Variants in LAMA3 observed in about 807,000 individuals in gnomAD.
LAMA3 encodes laminin subunit alpha 3, also known as laminin subunit alpha-3.
Under a neutral mutation model 402.0 loss-of-function variants are expected in LAMA3, and 281 were observed. The observed-to-expected ratio is 0.70, with a 90% CI of 0.63 to 0.77. The LOEUF is 0.77. Ranked by LOEUF, LAMA3 falls within the 30% of genes least tolerant of loss-of-function variation. The pLI, the probability that LAMA3 is intolerant of heterozygous loss-of-function variation, is 0.00. For synonymous variants in LAMA3, 1,431 were observed against 1,558.4 expected (o/e 0.92, Z 1.93); for missense variants, 3,840 against 4,215.5 (o/e 0.91, Z 2.47).
Position 23,847,611 on chromosome 18 carries a change from G to A in LAMA3, c.4079G>A (p.Arg1360Lys), listed in dbSNP as rs749726330. ...MAGCEGCNCS[R>K]RGTIEAAMPE... is the part of the protein sequence containing the mutation. ...GGCTGCGAAGGCTGCAACTGTTCCA[G>A]GAGGGGCACCATCGAGGCTGCCATG... Residue 1360 changes from arginine (R) to lysine (K), a missense_variant, in exon 32 of 75, where the codon AGG (arginine) becomes AAG (lysine). Physicochemically the swap from Arg to Lys is conservative, Grantham distance 26. Around this residue, in one of 3 missense-constraint regions of LAMA3, gnomAD observed 2,109 missense variants for 2,376.0 expected, o/e 0.89. Transcript: ENST00000313654. 2 of 1,614,096 alleles carry A rather than the reference G, an allele frequency of 1.2e-6. No individual in the cohort carries two copies. Among genetic ancestry groups the A allele is most frequent in the East Asian group, 2.2e-5 (1 of 44,880 alleles).
At chr18:23,883,732 G>C (rs1228972582) in intron 40 of LAMA3, among the ~76,000 whole-genome samples, 2 of 152,240 alleles carry the variant, frequency 1.3e-5, no homozygotes, top group Non-Finnish European at 2.9e-5. Flanking sequence ...GCTGGCAAAA[G>C]TAGAAAGCAG....
intron 2 of LAMA3, among the ~76,000 whole-genome samples, chr18:23,728,816 A>G (rs182526156): frequency 2.7e-4 from 41 of 152,206 alleles, no homozygotes; most frequent in Non-Finnish European, 2.6e-4. Context: ...GGGTCACCTG[A>G]AGTCAGGAGT....
At chr18:23,868,756 T>C (rs2064430252) in intron 37 of LAMA3, among the ~76,000 whole-genome samples, 1 of 152,210 alleles carries the variant, frequency 6.6e-6, no homozygotes, top group African/African-American at 2.4e-5. Context: ...TATGAAAATG[T>C]TTTACATCCA....
At chr18:23,888,322 A>T (rs995510369) in intron 41 of LAMA3, among the ~76,000 whole-genome samples, 2 of 152,346 alleles carry the variant, frequency 1.3e-5, no homozygotes, top group Non-Finnish European at 1.5e-5. Flanking sequence ...GTCATGTCTT[A>T]TTACGATAGC....
chr18:23,763,504 G>T lies in LAMA3; in HGVS notation c.1163G>T (p.Gly388Val). ...LNTQGIYAGG[G>V]VCINCQHNTA... The stretch of plus-strand genomic sequence containing the variant: ...ACCCAGGGCATCTATGCTGGTGGAG[G>T]GGTCTGCATTAACTGTCAGGTGAGG... Residue 388 changes from glycine (G) to valine (V), a missense_variant, in exon 8 of 75, where the codon GGG becomes GTG. Gly to Val is a moderately radical substitution (Grantham distance 109, BLOSUM62 -3). This residue lies in a region of LAMA3 where 2,109 missense variants were observed against 2,376.0 expected (regional missense o/e 0.89). Transcript: ENST00000313654. 1.2e-6 allele frequency: 2 copies of T among 1,606,686 alleles called. No homozygotes were observed. Among genetic ancestry groups the T allele is most frequent in the East Asian group, 2.2e-5 (1 of 44,840 alleles).
intron 38 of LAMA3, 112 bp downstream of exon 38, chr18:23,871,773 T>G (rs2064531263): frequency 1.2e-6 from 1 of 832,042 alleles, no homozygotes; most frequent in Non-Finnish European, 2.0e-6. Context: ...GTTTCTCTGT[T>G]CAAGTTTCTG....
intron 29 of LAMA3, 151 bp downstream of exon 29, chr18:23,842,901 C>T (rs1381836729): frequency 1.2e-5 from 12 of 967,006 alleles, no homozygotes; most frequent in African/African-American, 4.9e-5. Context: ...CTTTTACCCC[C>T]CAATAAATAA....
At chr18:23,914,900 T>TA in intron 58 of LAMA3, 40 bp downstream of exon 58, 3 of 1,514,870 alleles carry the variant, frequency 2.0e-6, no homozygotes, top group Non-Finnish European at 2.7e-6. Flanking sequence ...AATATTAAAA[T>TA]TTTAATTTGG....
At chr18:23,853,713 C>A (rs1282253744) in intron 32 of LAMA3, among the ~76,000 whole-genome samples, 3 of 152,198 alleles carry the variant, frequency 2.0e-5, no homozygotes, top group Non-Finnish European at 2.9e-5. Context: ...ATTCTCTTGA[C>A]CTGCCTCCCC....
Position 23,898,941 on chromosome 18 carries a change from A to T in LAMA3, c.5725-13A>T. On this transcript the variant is annotated splice_polypyrimidine_tract_variant and intron_variant, in intron 45 of 74. Transcript: ENST00000313654. ...GACTTAATTTGCTGCTAATCAATTTATTTTTCATATAGGCTCAAGTAAATT... is the reference window on the plus strand; with the variant it reads ...GACTTAATTTGCTGCTAATCAATTTTTTTTTCATATAGGCTCAAGTAAATT... 6.2e-7 allele frequency: 1 copy of T among 1,609,158 alleles called. No homozygotes were observed. The highest frequency in any genetic ancestry group is 8.5e-7 in the Non-Finnish European group (1 of 1,175,628).
At chr18:23,744,918 C>T (rs1279774202) in intron 2 of LAMA3, among the ~76,000 whole-genome samples, 1 of 150,548 alleles carries the variant, frequency 6.6e-6, no homozygotes, top group Admixed American at 6.6e-5. Context: ...AGAGACCTGA[C>T]GACTCACTGC....
chr18:23,895,767 T>A (rs927934679), intron 44 of LAMA3, among the ~76,000 whole-genome samples: 2 of 152,230 alleles, frequency 1.3e-5, no homozygotes, highest in African/African-American at 4.8e-5. Flanking sequence ...GTTTATCTAT[T>A]TTCAATTTCA....
intron 2 of LAMA3, among the ~76,000 whole-genome samples, chr18:23,733,307 G>A (rs1485665996): frequency 3.3e-5 from 5 of 152,114 alleles, no homozygotes; most frequent in East Asian, 1.9e-4. Context: ...ACCTGAGACC[G>A]GGTAATTTAT....
chr18:23,899,324 G>C lies in LAMA3; in HGVS notation c.5873G>C (p.Gly1958Ala), dbSNP rs934563901. Residue 1958 changes from glycine to alanine, a missense_variant, in exon 47 of 75, where the codon GGA becomes GCA. Gly to Ala is a moderately conservative substitution (Grantham distance 60). Transcript: ENST00000313654. ...LKQISGTDGE[G>A]NNVPSGDFSR... ...CAGATCTCTGGGACAGATGGAGAGG[G>C]AAACAACGTGCCTTCAGGTGACTTT... 1 of 1,613,990 alleles carries C rather than the reference G, an allele frequency of 6.2e-7. No homozygotes were observed. Among genetic ancestry groups the C allele is most frequent in the African/African-American group, 1.3e-5 (1 of 74,974 alleles).
intron 12 of LAMA3, chr18:23,796,140 A>G (rs756456554): frequency 4.8e-6 from 2 of 415,410 alleles, no homozygotes; most frequent in South Asian, 1.8e-5. Flanking sequence ...ATAAATTTCT[A>G]TTGTTTAAGC....
At chr18:23,840,696 A>G (rs1000346785) in intron 27 of LAMA3, among the ~76,000 whole-genome samples, 2 of 152,168 alleles carry the variant, frequency 1.3e-5, no homozygotes, top group African/African-American at 4.8e-5. Context: ...TAGAGCACAA[A>G]GGTGAAATAT....
intron 9 of LAMA3, among the ~76,000 whole-genome samples, chr18:23,774,823 T>A (rs1598765192): frequency 6.6e-6 from 1 of 152,064 alleles, no homozygotes; most frequent in East Asian, 1.9e-4. Flanking sequence ...AAAAAAAATG[T>A]GTTTTCACTT....
chr18:23,761,458 G>A (rs572199332), intron 7 of LAMA3, among the ~76,000 whole-genome samples: 5 of 152,280 alleles, frequency 3.3e-5, no homozygotes, highest in East Asian at 1.9e-4. Context: ...TTGGAATTTC[G>A]CCTCTTCTAG....
Position 23,913,960 on chromosome 18 carries a change from G to A in LAMA3, c.7330-450G>A, listed in dbSNP as rs554357226. The stretch of plus-strand genomic sequence containing the variant: ...AAACATTTTGTTTCTACCTTAAGGC[G>A]CTCACATTCTAGCAGGGAAGAAAGA... On this transcript the variant is annotated intron_variant, in intron 56 of 74. Transcript: ENST00000313654. Among the ~76,000 whole-genome samples the A allele has an allele frequency of 1.8e-4, 28 of 152,264 alleles. No individual in the cohort carries two copies. The South Asian group carries it at 1.9e-3, about 10-fold the overall frequency.
Sources: gnomAD v4.1 joint callset for allele counts (sites outside exome capture counted in the v4.1 genomes callset) on GRCh38, gnomAD v4.1.1 for gene constraint, gnomAD v4.1.1 regional missense constraint, MANE v1.5 for transcripts, NCBI Gene and HGNC (gene_info 2026-07-23, HGNC 2026-07-21) for gene names.